The following KCNK10 variants were observed in gnomAD, a reference collection of about 807,000 sequenced individuals.
The protein encoded by KCNK10 is potassium two pore domain channel subfamily K member 10, also known as potassium channel subfamily K member 10.
Under a neutral mutation model 47.7 loss-of-function variants are expected in KCNK10, and 25 were observed. The observed-to-expected ratio is 0.52, with a 90% CI of 0.38 to 0.73. The LOEUF is 0.73. Among genes scored for constraint, KCNK10 ranks in the 30% least tolerant of loss-of-function variants. The pLI is 0.00. For synonymous variants in KCNK10, 303 were observed against 285.6 expected (o/e 1.06, Z -0.61); for missense variants, 563 against 714.5 (o/e 0.79, Z 2.42).
intron 2 of KCNK10, among the ~76,000 whole-genome samples, chr14:88,249,295 C>T (rs1886728654): frequency 6.6e-6 from 1 of 152,216 alleles, no homozygotes; most frequent in African/African-American, 2.4e-5. Flanking sequence ...ACAAGCTACT[C>T]TTAATTGCAG....
intron 4 of KCNK10, among the ~76,000 whole-genome samples, chr14:88,202,359 T>C (rs1357706119): frequency 6.6e-6 from 1 of 152,174 alleles, no homozygotes; most frequent in African/African-American, 2.4e-5. Context: ...TGAACATCCT[T>C]CTTTAGTTTG....
At chr14:88,230,844 T>C (rs1886139470) in intron 3 of KCNK10, among the ~76,000 whole-genome samples, 1 of 152,206 alleles carries the variant, frequency 6.6e-6, no homozygotes, top group Non-Finnish European at 1.5e-5. Context: ...ATAGATAAAA[T>C]GAGGCTAATA....
intron 1 of KCNK10, among the ~76,000 whole-genome samples, chr14:88,286,795 G>A (rs148262668): frequency 2.6e-5 from 4 of 152,104 alleles, no homozygotes; most frequent in South Asian, 2.1e-4. Context: ...TGGGGGAACC[G>A]CCCCCATGAT....
chr14:88,252,447 C>T (rs549587651), intron 2 of KCNK10, among the ~76,000 whole-genome samples: 2 of 152,238 alleles, frequency 1.3e-5, no homozygotes, highest in Admixed American at 6.5e-5. Flanking sequence ...GTGAGTGACT[C>T]GGGTCTTGGC....
At chr14:88,244,510 T>C (rs1445855219) in intron 2 of KCNK10, among the ~76,000 whole-genome samples, 1 of 151,824 alleles carries the variant, frequency 6.6e-6, no homozygotes, top group African/African-American at 2.4e-5. Flanking sequence ...CTACTAAAAA[T>C]ACAAAAATAT....
chr14:88,264,654 C>T (rs1368439537), intron 1 of KCNK10, among the ~76,000 whole-genome samples: 2 of 152,148 alleles, frequency 1.3e-5, no homozygotes, highest in East Asian at 3.9e-4. Flanking sequence ...CCTAGGCCCT[C>T]GGAATCAGTT....
Position 88,263,421 on chromosome 14 carries a change from T to C in KCNK10, c.183A>G (p.Glu61=), listed in dbSNP as rs759678178. 3 of 1,614,164 alleles carry C rather than the reference T, an allele frequency of 1.9e-6. No individual in the cohort carries two copies. In the South Asian group the frequency reaches 3.3e-5, roughly 18 times the overall value. The change falls in exon 2 of 7, where the codon GAA becomes GAG. Residue 61 remains glutamate, a synonymous_variant. Coordinates refer to ENST00000319231, the MANE Select transcript of KCNK10 (RefSeq NM_138317.3). ...SSRATVVARM[E]GTSQGGLQTV... ...TCTGCAAGCCCCCTTGGGAGGTGCC[T>C]TCCATCCTGGCTACCACTGTGGCTC...
At chr14:88,218,411 A>C (rs544312279) in intron 4 of KCNK10, among the ~76,000 whole-genome samples, 1 of 152,240 alleles carries the variant, frequency 6.6e-6, no homozygotes, top group South Asian at 2.1e-4. Context: ...TCCATCTTAA[A>C]CATGTGGCCT....
intron 4 of KCNK10, among the ~76,000 whole-genome samples, chr14:88,201,858 T>C (rs1373851490): frequency 6.6e-6 from 1 of 152,178 alleles, no homozygotes; most frequent in Admixed American, 6.5e-5. Context: ...TGTTTAGCTA[T>C]GCAAATGAAA....
At chr14:88,285,525 C>A (rs977997929) in intron 1 of KCNK10, among the ~76,000 whole-genome samples, 34 of 152,310 alleles carry the variant, frequency 2.2e-4, no homozygotes, top group Admixed American at 2.1e-3. Flanking sequence ...ATGCCAACTT[C>A]TTGTGGCATC....
At chr14:88,245,638 C>T (rs1380226794) in intron 2 of KCNK10, among the ~76,000 whole-genome samples, 1 of 150,872 alleles carries the variant, frequency 6.6e-6, no homozygotes, top group Non-Finnish European at 1.5e-5. Context: ...TCTGTGCACT[C>T]GGTGAGATCA....
chr14:88,220,557 AT>A (rs1196890611), intron 4 of KCNK10, among the ~76,000 whole-genome samples: 2 of 151,668 alleles, frequency 1.3e-5, no homozygotes, highest in Non-Finnish European at 2.9e-5. Flanking sequence ...AACCACATAA[AT>A]ATAGTCAACT....
In KCNK10 at chr14:88,310,155, C is replaced by CATATACCATA. The variant is rs1317795127; in HGVS notation, c.52+12591_52+12592insTATGGTATAT. Among the ~76,000 whole-genome samples, 226 of 23,866 alleles carry CATATACCATA rather than the reference C, an allele frequency of 9.5e-3. 1 individual carries two copies. Among genetic ancestry groups the CATATACCATA allele is most frequent in the African/African-American group, 0.023 (122 of 5,284 alleles). The allele number at this position is 23,866 out of a possible 152,430, so 15.7% of individuals were successfully genotyped here. ...AGCTGATGTTTTAATCCATATCTCT[C>CATATACCATA]TCATATACCATATCATATGGTATAT... On this transcript the variant is annotated intron_variant, in intron 1 of 6. Transcript: ENST00000319231.
intron 3 of KCNK10, among the ~76,000 whole-genome samples, chr14:88,237,700 T>C (rs766611628): frequency 1.3e-5 from 2 of 152,168 alleles, no homozygotes; most frequent in African/African-American, 2.4e-5. Context: ...TTGAAAGGAA[T>C]CTTTTTTCTG....
chr14:88,243,959 G>A (rs1241686197), intron 2 of KCNK10, among the ~76,000 whole-genome samples: 1 of 151,892 alleles, frequency 6.6e-6, no homozygotes, highest in Non-Finnish European at 1.5e-5. Context: ...CCCTGGGGAA[G>A]CAGTTTTGTG....
intron 1 of KCNK10, among the ~76,000 whole-genome samples, chr14:88,297,980 G>A (rs1037527384): frequency 6.6e-6 from 1 of 152,192 alleles, no homozygotes; most frequent in Non-Finnish European, 1.5e-5. Flanking sequence ...TCTGCTCTTT[G>A]CCTAAAGGTA....
At chr14:88,274,858 C>T (rs948857381) in intron 1 of KCNK10, among the ~76,000 whole-genome samples, 1 of 152,154 alleles carries the variant, frequency 6.6e-6, no homozygotes, top group African/African-American at 2.4e-5. Context: ...GCTGCCAAGC[C>T]ACCCACCACC....
intron 4 of KCNK10, among the ~76,000 whole-genome samples, chr14:88,210,979 G>A (rs1885439529): frequency 6.6e-6 from 1 of 152,104 alleles, no homozygotes; most frequent in African/African-American, 2.4e-5. Context: ...GTAATTATAT[G>A]TGACTCAGCA....
intron 5 of KCNK10, among the ~76,000 whole-genome samples, 159 bp from the exon 6 acceptor site, chr14:88,188,268 G>T (rs1305128531): frequency 6.6e-6 from 1 of 152,088 alleles, no homozygotes; most frequent in East Asian, 1.9e-4. Context: ...GAGGGCAAGG[G>T]GGGTACCCAT....
Sources: gnomAD v4.1 joint callset for allele counts (sites outside exome capture counted in the v4.1 genomes callset) on GRCh38, gnomAD v4.1.1 for gene constraint, MANE v1.5 for transcripts, NCBI Gene and HGNC (gene_info 2026-07-23, HGNC 2026-07-21) for gene names.